The following TRIM55 variants were observed in gnomAD, a reference collection of about 807,000 sequenced individuals.
TRIM55 encodes the protein tripartite motif containing 55, also known as tripartite motif-containing protein 55.
Under a neutral mutation model 60.9 loss-of-function variants are expected in TRIM55, and 50 were observed. The observed-to-expected ratio is 0.82, with a 90% CI of 0.65 to 1.04. The LOEUF (loss-of-function observed/expected upper bound fraction) is 1.04. TRIM55 is among the 50% of genes least tolerant of loss of function. TRIM55 has a pLI of 0.00. For synonymous variants in TRIM55, 237 were observed against 238.1 expected (o/e 1.00, Z 0.04); for missense variants, 681 against 666.9 (o/e 1.02, Z -0.23).
upstream of TRIM55, among the ~76,000 whole-genome samples, chr8:66,125,345 T>C (rs1442883477): frequency 1.3e-5 from 2 of 152,242 alleles, no homozygotes; most frequent in Non-Finnish European, 2.9e-5. Flanking sequence ...TTGAGGCCAA[T>C]GACCTATGTC....
the TRIM55 span, among the ~76,000 whole-genome samples, chr8:66,116,850 T>A: frequency 6.6e-6 from 1 of 152,102 alleles, no homozygotes; most frequent in Non-Finnish European, 1.5e-5. Context: ...AAAGACATTA[T>A]AGAAAAAGAA....
At chr8:66,162,536 A>G (rs931729896) in intron 9 of TRIM55, among the ~76,000 whole-genome samples, 3 of 151,494 alleles carry the variant, frequency 2.0e-5, no homozygotes, top group Non-Finnish European at 2.9e-5. Context: ...GGCTTCATAG[A>G]ATGATTTAAG....
chr8:66,152,666 C>T (rs756686362), intron 8 of TRIM55, 39 bp downstream of exon 8: 12 of 1,590,348 alleles, frequency 7.5e-6, no homozygotes, highest in Admixed American at 3.7e-5. Flanking sequence ...GGCACATGGG[C>T]GTGTCTCCTT....
At chr8:66,139,832 C>T (rs970247946) in intron 4 of TRIM55, among the ~76,000 whole-genome samples, 7 of 152,000 alleles carry the variant, frequency 4.6e-5, no homozygotes, top group South Asian at 2.1e-4. Flanking sequence ...AGCAAATATA[C>T]GTTCTTATTT....
At chr8:66,143,672 T>G (rs1027652855) in intron 4 of TRIM55, among the ~76,000 whole-genome samples, 1 of 152,178 alleles carries the variant, frequency 6.6e-6, no homozygotes, top group African/African-American at 2.4e-5. Flanking sequence ...CTGAAGCTTT[T>G]GCATGAAGGC....
the TRIM55 span, among the ~76,000 whole-genome samples, chr8:66,114,212 G>C: frequency 5.9e-5 from 9 of 151,972 alleles, no homozygotes; most frequent in Non-Finnish European, 8.8e-5. Context: ...AAATGGTAGA[G>C]CGCTCGCTTA....
chr8:66,133,803 A>T (rs772133144), intron 2 of TRIM55, among the ~76,000 whole-genome samples: 27 of 152,308 alleles, frequency 1.8e-4, no homozygotes, highest in Non-Finnish European at 1.3e-4. Context: ...ACAAGATACC[A>T]CACATCAAAA....
chr8:66,162,420 C>A (rs1317896361), intron 9 of TRIM55, among the ~76,000 whole-genome samples: 1 of 150,432 alleles, frequency 6.6e-6, no homozygotes, highest in Non-Finnish European at 1.5e-5. Flanking sequence ...ATTCAGTTTG[C>A]TAGTATTTTG....
chr8:66,152,334 CAG>C, intron 7 of TRIM55, 41 bp from the exon 8 acceptor site: 1 of 1,536,288 alleles, frequency 6.5e-7, no homozygotes, highest in Non-Finnish European at 8.7e-7. Flanking sequence ...TCCATGGCTG[CAG>C]AGATAGTTAT....
At position 66,127,383 on chromosome 8, in the gene TRIM55, A is replaced by G; in HGVS notation, c.115A>G (p.Ile39Val). 6.2e-7 allele frequency: 1 copy of G among 1,613,916 alleles called. No homozygotes were observed. The highest frequency in any genetic ancestry group is 8.5e-7 in the Non-Finnish European group (1 of 1,179,980). ...AGAGATGTTCACGAAACCTGTGGTG[A>G]TTCTCCCTTGTCAGCACAACCTGTG... ...CLEMFTKPVV[I>V]LPCQHNLCRK... Residue 39 changes from isoleucine (I) to valine (V), a missense_variant, in exon 1 of 10, where the codon ATT becomes GTT. Coordinates refer to ENST00000315962, the MANE Select transcript of TRIM55 (RefSeq NM_184085.2).
At chr8:66,162,264 C>A (rs1233393202) in intron 9 of TRIM55, among the ~76,000 whole-genome samples, 1 of 152,110 alleles carries the variant, frequency 6.6e-6, no homozygotes, top group Non-Finnish European at 1.5e-5. Context: ...TTTTCTGCAT[C>A]TGTTGAGATG....
chr8:66,133,890 G>A (rs896657707), intron 2 of TRIM55, among the ~76,000 whole-genome samples: 7 of 151,926 alleles, frequency 4.6e-5, no homozygotes, highest in Admixed American at 1.3e-4. Flanking sequence ...TACATATATG[G>A]ACGGATATAT....
intron 2 of TRIM55, among the ~76,000 whole-genome samples, chr8:66,132,682 G>A (rs1288604441): frequency 1.3e-5 from 2 of 152,120 alleles, no homozygotes; most frequent in Non-Finnish European, 2.9e-5. Flanking sequence ...TCATAAACAT[G>A]TATTTATGTC....
At chr8:66,164,008 G>GTT (rs34363935) in intron 9 of TRIM55, among the ~76,000 whole-genome samples, 1 of 144,610 alleles carries the variant, frequency 6.9e-6, no homozygotes, top group Non-Finnish European at 1.5e-5. Flanking sequence ...CAAGATAAGT[G>GTT]TTTTTTTTTT....
chr8:66,128,844 GA>G (rs111916421), intron 2 of TRIM55, among the ~76,000 whole-genome samples: 11,359 of 151,118 alleles, frequency 0.075, 660 homozygotes, highest in African/African-American at 0.17. Flanking sequence ...ACAAAGCAAA[GA>G]AAAAAAAATC....
intron 9 of TRIM55, among the ~76,000 whole-genome samples, chr8:66,158,196 C>CACAA (rs1810856597): frequency 7.4e-6 from 1 of 134,742 alleles, no homozygotes; most frequent in African/African-American, 2.8e-5. Flanking sequence ...CACACACACA[C>CACAA]ACACACTGCA....
chr8:66,164,846 C>G (rs1444301066), intron 9 of TRIM55, among the ~76,000 whole-genome samples: 1 of 151,080 alleles, frequency 6.6e-6, no homozygotes, highest in African/African-American at 2.4e-5. Context: ...AAAGGTGATC[C>G]CAGAGGAAAA....
intron 2 of TRIM55, among the ~76,000 whole-genome samples, chr8:66,132,197 T>C (rs1285055294): frequency 6.6e-6 from 1 of 152,192 alleles, no homozygotes; most frequent in Non-Finnish European, 1.5e-5. Context: ...ACGCCTATAA[T>C]CCCAGCACTT....
In TRIM55 at chr8:66,174,563, C is replaced by T; in HGVS notation, c.1617C>T (p.Ser539=). The change falls in exon 10 of 10, where the codon TCC becomes TCT. Residue 539 remains serine (S), a synonymous_variant. Transcript: ENST00000315962. Reference sequence around the variant, plus strand: ...CTGAGCCAGCTCGCCATATCTTCTCCTTTTCCTGGTTGAACTCCCTAAATG... The same window carrying T: ...CTGAGCCAGCTCGCCATATCTTCTCTTTTTCCTGGTTGAACTCCCTAAATG... ...ADSEPARHIF[S]FSWLNSLNE The T allele has an allele frequency of 6.2e-7, 1 of 1,606,490 alleles. No homozygotes were observed. The highest frequency in any genetic ancestry group is 8.5e-7 in the Non-Finnish European group (1 of 1,177,540).
Sources: gnomAD v4.1 joint callset for allele counts (sites outside exome capture counted in the v4.1 genomes callset) on GRCh38, gnomAD v4.1.1 for gene constraint, MANE v1.5 for transcripts, NCBI Gene and HGNC (gene_info 2026-07-23, HGNC 2026-07-21) for gene names.